The following PLCB4 variants were observed in gnomAD, a reference collection of about 807,000 sequenced individuals.
PLCB4 encodes the protein 1-phosphatidylinositol 4,5-bisphosphate phosphodiesterase beta-4.
In PLCB4, 77 loss-of-function variants were observed where a neutral mutation model predicts 178.8. The observed-to-expected ratio is 0.43, with a 90% confidence interval of 0.36 to 0.52. PLCB4 has a LOEUF of 0.52. PLCB4 is among the 20% of genes least tolerant of loss of function. PLCB4 has a pLI of 0.00. For missense variants in PLCB4, 1,024 were observed against 1,453.4 expected (o/e 0.70, Z 4.80); for synonymous variants, 496 against 490.8 (o/e 1.01, Z -0.14).
intron 2 of PLCB4, among the ~76,000 whole-genome samples, chr20:9,163,199 G>A (rs1033108969): frequency 2.6e-5 from 4 of 152,124 alleles, no homozygotes; most frequent in Admixed American, 2.0e-4. Context: ...TGGGAGATGG[G>A]TTTCTGTTAA....
intron 3 of PLCB4, among the ~76,000 whole-genome samples, chr20:9,273,959 G>T (rs2094429901): frequency 6.6e-6 from 1 of 152,056 alleles, no homozygotes; most frequent in South Asian, 2.1e-4. Flanking sequence ...CTTTGCAGCA[G>T]CCCAGGAAAG....
rs373496749 is a variant in PLCB4, at chr20:9,227,177, CT to C, written c.-16+9736del. On this transcript the variant is annotated intron_variant, in intron 3 of 39. Coordinates refer to ENST00000378473, the MANE Select transcript of PLCB4 (RefSeq NM_001377142.1). ...TGATGTTGTTGAATTCATTGTAAGA[CT>C]TTTTTTTTTTATATGTACTGGGCAC... Among the ~76,000 whole-genome samples, 929 of 144,606 alleles carry C rather than the reference CT, an allele frequency of 6.4e-3. 9 individuals are homozygous for C. Among genetic ancestry groups the C allele is most frequent in the African/African-American group, 0.02 (789 of 39,856 alleles). 94.9% of individuals were successfully genotyped at this position (144,606 alleles called of 152,430 possible). A position where few individuals can be genotyped will look rare whatever the true frequency, so the allele number is the denominator to read the frequency against.
chr20:9,270,027 T>G (rs1048774053), intron 3 of PLCB4, among the ~76,000 whole-genome samples: 4 of 152,166 alleles, frequency 2.6e-5, no homozygotes, highest in Non-Finnish European at 5.9e-5. Flanking sequence ...GTTGGCAATA[T>G]ACAGACAATC....
intron 3 of PLCB4, among the ~76,000 whole-genome samples, chr20:9,234,747 A>T (rs2093974337): frequency 6.6e-6 from 1 of 152,076 alleles, no homozygotes; most frequent in South Asian, 2.1e-4. Flanking sequence ...AAGATGTTGG[A>T]TTGGGGGTAA....
chr20:9,325,679 G>C (rs1250830993), intron 4 of PLCB4, among the ~76,000 whole-genome samples: 3 of 152,166 alleles, frequency 2.0e-5, no homozygotes, highest in Non-Finnish European at 4.4e-5. Flanking sequence ...AAAAGATAAA[G>C]TGGGAATCCC....
At chr20:9,378,854 G>A (rs533813455) in intron 12 of PLCB4, among the ~76,000 whole-genome samples, 2 of 152,160 alleles carry the variant, frequency 1.3e-5, no homozygotes, top group African/African-American at 4.8e-5. Context: ...CAAGTGCTCT[G>A]TTGGCCAAAA....
chr20:9,186,610 G>T (rs894527189), intron 2 of PLCB4, among the ~76,000 whole-genome samples: 1 of 152,176 alleles, frequency 6.6e-6, no homozygotes, highest in Non-Finnish European at 1.5e-5. Context: ...GGCCGTTTTT[G>T]TGCCTTCTGG....
At chr20:9,458,705 T>C (rs973281073) in intron 34 of PLCB4, among the ~76,000 whole-genome samples, 1 of 152,142 alleles carries the variant, frequency 6.6e-6, no homozygotes, top group African/African-American at 2.4e-5. Flanking sequence ...GATCCCAGCA[T>C]AGCAGAAGGG....
intron 3 of PLCB4, among the ~76,000 whole-genome samples, chr20:9,235,579 A>C (rs2093984274): frequency 6.6e-6 from 1 of 152,182 alleles, no homozygotes; most frequent in African/African-American, 2.4e-5. Flanking sequence ...CAGAGAAGAC[A>C]ATGACTCGCT....
At position 9,480,077 on chromosome 20, in the gene PLCB4, TA is replaced by T. The variant is rs909135961; in HGVS notation, c.*1069del. ...ACTTCAAGTTCTAGTTTGAAAAAAA[TA>T]CATAACTAATTTAATTTTACACAAA... On this transcript the variant is annotated 3_prime_UTR_variant, in exon 40 of 40. Coordinates refer to ENST00000378473, the MANE Select transcript of PLCB4 (RefSeq NM_001377142.1). 4 of 152,658 alleles carry T rather than the reference TA, an allele frequency of 2.6e-5. No individual in the cohort carries two copies. The highest frequency in any genetic ancestry group is 9.6e-5 in the African/African-American group (4 of 41,460). The allele number at this position is 152,658 out of a possible 1,614,324, so 9.5% of individuals were successfully genotyped here. A position where few individuals can be genotyped will look rare whatever the true frequency, so the allele number is the denominator to read the frequency against.
chr20:9,360,193 G>A (rs1009504733), intron 7 of PLCB4, among the ~76,000 whole-genome samples: 1 of 152,204 alleles, frequency 6.6e-6, no homozygotes, highest in Non-Finnish European at 1.5e-5. Flanking sequence ...GAAAGAGGCA[G>A]CAACCTTCCC....
In PLCB4 at chr20:9,314,958, G is replaced by A. The variant is rs142525085; in HGVS notation, c.84+7060G>A. Among the ~76,000 whole-genome samples, 44 of 151,080 alleles carry A rather than the reference G, an allele frequency of 2.9e-4. 1 individual carries two copies. The highest frequency in any genetic ancestry group is 1.0e-3 in the African/African-American group (41 of 41,124). On this transcript the variant is annotated intron_variant, in intron 4 of 39. Coordinates refer to ENST00000378473, the MANE Select transcript of PLCB4 (RefSeq NM_001377142.1). ...ACAATCTCGGCTCACTGCAACCTCC[G>A]CCTCCTGGGTTCAAGCAATTCTCCT...
At chr20:9,323,197 T>A in intron 4 of PLCB4, among the ~76,000 whole-genome samples, 1 of 152,198 alleles carries the variant, frequency 6.6e-6, no homozygotes, top group East Asian at 1.9e-4. Context: ...CACTTGCTGT[T>A]CTCCCTCTGG....
At chr20:9,181,753 G>A (rs2093250117) in intron 2 of PLCB4, among the ~76,000 whole-genome samples, 1 of 152,118 alleles carries the variant, frequency 6.6e-6, no homozygotes. Flanking sequence ...ATTACACTGG[G>A]GATTGGGGCT....
chr20:9,086,173 G>T (rs2090405888), intron 1 of PLCB4, among the ~76,000 whole-genome samples: 1 of 152,126 alleles, frequency 6.6e-6, no homozygotes, highest in Non-Finnish European at 1.5e-5. Flanking sequence ...AAGCCATCAT[G>T]ATGAGAAAAA....
rs150333543 is a variant in PLCB4 at position 9,161,473 on chromosome 20, A to G, written c.-78-55917A>G. On this transcript the variant is annotated intron_variant, in intron 2 of 39. Coordinates refer to ENST00000378473, the MANE Select transcript of PLCB4 (RefSeq NM_001377142.1). ...GCCAACCCAGGTTTGTTGGAGTGCA[A>G]TCCGCTGCTCTTACCTACCATGTTG... 1.2e-4 allele frequency among the ~76,000 whole-genome samples: 18 copies of G among 152,336 alleles called. No individual in the cohort carries two copies. In the East Asian group the frequency reaches 1.5e-3, roughly 13 times the overall value.
At chr20:9,138,223 T>G (rs1386865945) in intron 2 of PLCB4, among the ~76,000 whole-genome samples, 1 of 151,988 alleles carries the variant, frequency 6.6e-6, no homozygotes, top group Non-Finnish European at 1.5e-5. Context: ...TTGGGAGAAA[T>G]GTTGGTGGCC....
chr20:9,380,201 G>A, intron 13 of PLCB4, 39 bp downstream of exon 13: 1 of 994,942 alleles, frequency 1.0e-6, no homozygotes, highest in Non-Finnish European at 1.5e-6. Context: ...AAAAAAACAA[G>A]AAAAGATGCA....
intron 38 of PLCB4, among the ~76,000 whole-genome samples, chr20:9,474,054 T>C (rs2044373664): frequency 6.6e-6 from 1 of 151,994 alleles, no homozygotes; most frequent in Non-Finnish European, 1.5e-5. Context: ...CCGTCTCTAC[T>C]AAAAATACAA....
Sources: gnomAD v4.1 joint callset for allele counts (sites outside exome capture counted in the v4.1 genomes callset) on GRCh38, gnomAD v4.1.1 for gene constraint, MANE v1.5 for transcripts, NCBI Gene and HGNC (gene_info 2026-07-23, HGNC 2026-07-21) for gene names.